SMYD3: variants seen among roughly 807,000 people sequenced by gnomAD.
SMYD3 encodes the protein histone-lysine N-methyltransferase SMYD3.
Under a neutral mutation model 57.7 loss-of-function variants are expected in SMYD3, and 36 were observed. The ratio of observed to expected loss-of-function variants is 0.62; its 90% CI spans 0.48 to 0.82. The LOEUF (loss-of-function observed/expected upper bound fraction) is 0.82. SMYD3 is among the 40% of genes least tolerant of loss of function. The pLI, the probability that SMYD3 is intolerant of heterozygous loss-of-function variation, is 0.00. For missense variants in SMYD3, 515 were observed against 538.8 expected, an observed-to-expected ratio of 0.96 and a Z score of 0.44; for synonymous variants, 211 against 195.0, an observed-to-expected ratio of 1.08 and a Z score of -0.68.
intron 10 of SMYD3, among the ~76,000 whole-genome samples, chr1:245,768,641 G>A (rs111299288): frequency 7.2e-4 from 109 of 152,260 alleles, no homozygotes; most frequent in African/African-American, 2.4e-3. Flanking sequence ...TTGGAGGTCC[G>A]GCCTTTAAGA....
chr1:246,089,994 CCAGT>C (rs1243813755), intron 5 of SMYD3, among the ~76,000 whole-genome samples: 1 of 151,600 alleles, frequency 6.6e-6, no homozygotes, highest in Non-Finnish European at 1.5e-5. Flanking sequence ...CTAGAAGAAT[CCAGT>C]CAGTTTTTCT....
chr1:246,467,038 C>T (rs2067892353), intron 1 of SMYD3, among the ~76,000 whole-genome samples: 2 of 151,790 alleles, frequency 1.3e-5, no homozygotes, highest in Admixed American at 6.6e-5. Context: ...GGAATGGGGG[C>T]GTGTGCCTGT....
intron 8 of SMYD3, among the ~76,000 whole-genome samples, chr1:245,880,700 T>C (rs564142453): frequency 1.2e-4 from 18 of 152,194 alleles, no homozygotes; most frequent in Non-Finnish European, 1.6e-4. Flanking sequence ...CTCCCAGTTG[T>C]ATAATTCAGA....
intron 5 of SMYD3, among the ~76,000 whole-genome samples, chr1:246,297,743 G>A (rs990697784): frequency 2.6e-5 from 4 of 152,098 alleles, no homozygotes; most frequent in Non-Finnish European, 4.4e-5. Context: ...ACCAGAGAAT[G>A]CTATGAATCT....
chr1:246,174,041 G>A (rs1197421422), intron 5 of SMYD3, among the ~76,000 whole-genome samples: 1 of 152,026 alleles, frequency 6.6e-6, no homozygotes, highest in Non-Finnish European at 1.5e-5. Flanking sequence ...AACTCCTTAT[G>A]TCAAGCAATC....
At chr1:246,169,679 G>A (rs1416396011) in intron 5 of SMYD3, among the ~76,000 whole-genome samples, 1 of 152,020 alleles carries the variant, frequency 6.6e-6, no homozygotes, top group Non-Finnish European at 1.5e-5. Context: ...CAAGGCAGGC[G>A]GATCACCTTA....
intron 7 of SMYD3, among the ~76,000 whole-genome samples, chr1:245,920,493 T>C (rs1278408026): frequency 6.6e-6 from 1 of 152,192 alleles, no homozygotes; most frequent in Non-Finnish European, 1.5e-5. Flanking sequence ...GTCTCTTGTT[T>C]CACAAGTTGT....
intron 5 of SMYD3, among the ~76,000 whole-genome samples, chr1:245,983,795 TG>T (rs2058647830): frequency 6.6e-6 from 1 of 152,112 alleles, no homozygotes; most frequent in Non-Finnish European, 1.5e-5. Context: ...CAGGCTATGA[TG>T]GAATCGTTTC....
intron 8 of SMYD3, among the ~76,000 whole-genome samples, chr1:245,877,530 A>T (rs1406666450): frequency 6.6e-6 from 1 of 152,242 alleles, no homozygotes; most frequent in Non-Finnish European, 1.5e-5. Flanking sequence ...ATCCAGAAAG[A>T]GATGACATGA....
intron 5 of SMYD3, among the ~76,000 whole-genome samples, chr1:246,267,599 G>A (rs2064133583): frequency 6.6e-6 from 1 of 152,156 alleles, no homozygotes; most frequent in African/African-American, 2.4e-5. Context: ...CCTTTGCTTA[G>A]AATTCCTCCT....
chr1:245,944,381 T>G (rs149040877), intron 5 of SMYD3, among the ~76,000 whole-genome samples: 1 of 151,934 alleles, frequency 6.6e-6, no homozygotes, highest in Non-Finnish European at 1.5e-5. Flanking sequence ...ATGAATAAAC[T>G]CCTATTCATA....
chr1:246,126,044 C>G lies in SMYD3; in HGVS notation c.532-196107G>C, dbSNP rs142803506. On this transcript the variant is annotated intron_variant, in intron 5 of 11. Transcript: ENST00000490107. ...AGTATCCCCAGAAGCTATCAGCCAG[C>G]CATCTGGAAAGTGCTTCAAGCAGAA... Among the ~76,000 whole-genome samples, 67 of 152,296 alleles carry G rather than the reference C, an allele frequency of 4.4e-4. No homozygotes were observed. In the East Asian group the frequency reaches 9.8e-3, roughly 22 times the overall value.
intron 8 of SMYD3, among the ~76,000 whole-genome samples, chr1:245,907,809 C>CA (rs1390353314): frequency 2.6e-5 from 4 of 151,932 alleles, no homozygotes; most frequent in East Asian, 1.9e-4. Flanking sequence ...GTGCTGCCTA[C>CA]AAAAAAAATC....
chr1:246,134,296 C>T (rs1182871965), intron 5 of SMYD3, among the ~76,000 whole-genome samples: 1 of 152,060 alleles, frequency 6.6e-6, no homozygotes, highest in African/African-American at 2.4e-5. Flanking sequence ...AACCTAAGCT[C>T]CACTTCAACA....
Position 246,008,332 on chromosome 1 carries a change from T to TA in SMYD3, c.532-78396dup. On this transcript the variant is annotated intron_variant, in intron 5 of 11. Transcript: ENST00000490107. Reference sequence around the variant, plus strand: ...TCAGTTACCACTTGCCTAGGATGTCTAAGGGCTCTTGACACATCCTGTAAT... The same window carrying TA: ...TCAGTTACCACTTGCCTAGGATGTCTAAAGGGCTCTTGACACATCCTGTAAT... Among the ~76,000 whole-genome samples the TA allele has an allele frequency of 2.6e-5, 4 of 152,316 alleles. No homozygotes were observed. The East Asian group carries it at 7.7e-4, about 29-fold the overall frequency.
intron 10 of SMYD3, among the ~76,000 whole-genome samples, chr1:245,829,401 A>G (rs1295448259): frequency 1.3e-5 from 2 of 152,194 alleles, no homozygotes; most frequent in African/African-American, 4.8e-5. Flanking sequence ...GGATGAGACA[A>G]CAGGCAAATT....
chr1:245,865,552 T>C (rs1355232756), intron 8 of SMYD3, among the ~76,000 whole-genome samples: 2 of 152,208 alleles, frequency 1.3e-5, no homozygotes, highest in Non-Finnish European at 2.9e-5. Context: ...CCCAGGTCTG[T>C]TTGATTCCAA....
At chr1:246,506,997 C>CCCCCCCCCCCCCCCCCCCCCCA in intron 1 of SMYD3, 57 bp downstream of exon 1, 1 of 308,906 alleles carries the variant, frequency 3.2e-6, no homozygotes, top group Admixed American at 9.1e-5. Flanking sequence ...ACGCCCCCCC[C>CCCCCCCCCCCCCCCCCCCCCCA]TCCCCAGCAC....
intron 10 of SMYD3, among the ~76,000 whole-genome samples, chr1:245,785,134 G>A (rs1230959087): frequency 1.3e-5 from 2 of 151,564 alleles, no homozygotes; most frequent in Non-Finnish European, 2.9e-5. Context: ...CACCCGCCTC[G>A]GCCTCCCAAA....
Sources: allele counts gnomAD v4.1 joint callset (sites outside exome capture counted in the v4.1 genomes callset), GRCh38; gene constraint gnomAD v4.1.1; transcripts MANE v1.5; gene names NCBI Gene and HGNC (gene_info 2026-07-23, HGNC 2026-07-21).